Variants in PRUNE2 observed in about 807,000 individuals in gnomAD.
The protein encoded by PRUNE2 is protein prune homolog 2.
A neutral mutation model predicts 252.0 loss-of-function variants in PRUNE2; 164 were observed. That is an observed-to-expected ratio of 0.65 (90% CI 0.57 to 0.74). The LOEUF (loss-of-function observed/expected upper bound fraction) is 0.74. PRUNE2 is among the 30% of genes least tolerant of loss of function. PRUNE2 has a pLI of 0.00. For synonymous variants in PRUNE2, 1,292 were observed against 1,350.2 expected (o/e 0.96, Z 0.94); for missense variants, 3,495 against 3,711.0 (o/e 0.94, Z 1.51).
intron 12 of PRUNE2, among the ~76,000 whole-genome samples, chr9:76,641,353 T>C (rs1032647717): frequency 2.0e-5 from 3 of 152,122 alleles, no homozygotes; most frequent in Admixed American, 6.5e-5. Context: ...CACATGAAAG[T>C]TTTCCTCCAA....
chr9:76,816,956 T>G (rs1346528744), intron 6 of PRUNE2, among the ~76,000 whole-genome samples: 2 of 152,238 alleles, frequency 1.3e-5, no homozygotes. Flanking sequence ...TTGACTTATC[T>G]TGCCAAATCT....
chr9:76,814,034 T>C (rs2057528919), intron 6 of PRUNE2, among the ~76,000 whole-genome samples: 1 of 152,118 alleles, frequency 6.6e-6, no homozygotes, highest in Non-Finnish European at 1.5e-5. Flanking sequence ...GGCTGGTCTC[T>C]AACTCCCAGC....
intron 1 of PRUNE2, among the ~76,000 whole-genome samples, chr9:76,887,026 C>T (rs1049558712): frequency 6.6e-6 from 1 of 152,182 alleles, no homozygotes; most frequent in African/African-American, 2.4e-5. Context: ...CTAACTTTAT[C>T]TTCAGAATCC....
chr9:76,710,643 G>A lies in PRUNE2; in HGVS notation c.1631C>T (p.Thr544Ile), dbSNP rs369638380. 38 of 1,612,192 alleles carry A rather than the reference G, an allele frequency of 2.4e-5. No individual in the cohort carries two copies. The highest frequency in any genetic ancestry group is 1.6e-4 in the Middle Eastern group (1 of 6,080). The change falls in exon 8 of 19, where the codon ACC (threonine) becomes ATC (isoleucine). Residue 544 changes from threonine to isoleucine, a missense_variant. Coordinates refer to ENST00000376718, the MANE Select transcript of PRUNE2 (RefSeq NM_015225.3). ...ACTGGATGAATAATTAGACATGTTG[G>A]TTCCCATGCCATCAAGTCCTTCAGG... The part of the protein sequence containing the change: ...AGPEGLDGMG[T>I]NMSNYSSSSL...
chr9:76,696,788 C>T (rs547281882), intron 9 of PRUNE2, among the ~76,000 whole-genome samples: 12 of 152,332 alleles, frequency 7.9e-5, no homozygotes, highest in African/African-American at 2.9e-4. Context: ...GCGGGAGTGC[C>T]TCCCGCTGGC....
rs766274960 is a variant in PRUNE2, at chr9:76,656,484, C to T, written c.8277-982G>A. 4.6e-5 allele frequency among the ~76,000 whole-genome samples: 7 copies of T among 152,130 alleles called. No individual in the cohort carries two copies. The East Asian group carries it at 5.8e-4, about 13-fold the overall frequency. Reference sequence around the variant, plus strand: ...TCTTACTGTACTTTGCACTATGTAACGCTGGATCTACCAAACCTTTGGAGT... The same window carrying T: ...TCTTACTGTACTTTGCACTATGTAATGCTGGATCTACCAAACCTTTGGAGT... On this transcript the variant is annotated intron_variant, in intron 9 of 18. Coordinates refer to ENST00000376718, the MANE Select transcript of PRUNE2 (RefSeq NM_015225.3).
chr9:76,844,339 G>T (rs1380397062), intron 4 of PRUNE2, among the ~76,000 whole-genome samples: 1 of 152,002 alleles, frequency 6.6e-6, no homozygotes, highest in East Asian at 1.9e-4. Flanking sequence ...TGTTAAAAAA[G>T]GTCTGGGACC....
intron 1 of PRUNE2, among the ~76,000 whole-genome samples, chr9:76,858,897 T>A (rs918572843): frequency 6.6e-6 from 1 of 152,108 alleles, no homozygotes; most frequent in Non-Finnish European, 1.5e-5. Context: ...AGGCCCAGCA[T>A]GTTCAGCAAA....
intron 18 of PRUNE2, among the ~76,000 whole-genome samples, chr9:76,618,814 CT>C (rs1830801098): frequency 6.6e-6 from 1 of 152,196 alleles, no homozygotes; most frequent in Admixed American, 6.5e-5. Context: ...GCGTGTGAAG[CT>C]TTTTACAGTC....
chr9:76,677,106 G>A (rs1158368135), intron 9 of PRUNE2, among the ~76,000 whole-genome samples: 1 of 152,194 alleles, frequency 6.6e-6, no homozygotes, highest in African/African-American at 2.4e-5. Context: ...TGATTTAAAT[G>A]TATCTAATTC....
chr9:76,689,533 TTCTATAGAGACAGGGTC>T (rs1173701810), intron 9 of PRUNE2, among the ~76,000 whole-genome samples: 2 of 151,604 alleles, frequency 1.3e-5, no homozygotes, highest in African/African-American at 2.4e-5. Flanking sequence ...TTTTAAAATT[TTCTATAGAGACAGGGTC>T]TCTATAGAGA....
rs759552745 is a variant in PRUNE2 at position 76,703,525 on chromosome 9, G to A, written c.8088C>T (p.Ser2696=). 1 of 1,613,788 alleles carries A rather than the reference G, an allele frequency of 6.2e-7. No homozygotes were observed. Among genetic ancestry groups the A allele is most frequent in the South Asian group, 1.1e-5 (1 of 91,076 alleles). The change falls in exon 9 of 19, where the codon AGC becomes AGT. Residue 2696 remains serine, a synonymous_variant. Transcript: ENST00000376718. ...LALEEASGPV[S]QSQKSKSRGR... Reference sequence around the variant, plus strand: ...CTCGGCTCTTACTCTTCTGTGATTGGCTGACTGGACCAGAGGCTTCCTCTA... The same window carrying A: ...CTCGGCTCTTACTCTTCTGTGATTGACTGACTGGACCAGAGGCTTCCTCTA...
chr9:76,694,526 T>C (rs1422541316), intron 9 of PRUNE2, among the ~76,000 whole-genome samples: 2 of 152,142 alleles, frequency 1.3e-5, no homozygotes, highest in African/African-American at 2.4e-5. Flanking sequence ...AACTTAGCAG[T>C]TGGCCAGGCA....
At chr9:76,751,525 C>T (rs1161863582) in intron 6 of PRUNE2, among the ~76,000 whole-genome samples, 3 of 152,136 alleles carry the variant, frequency 2.0e-5, no homozygotes, top group Non-Finnish European at 4.4e-5. Context: ...AATGCTTGTC[C>T]TATATACCTC....
Position 76,705,443 on chromosome 9 carries a change from A to C in PRUNE2, c.6831T>G (p.Asn2277Lys), listed in dbSNP as rs1204171940. ...GCAAAGCATCAGGAACCAAGGCAGG[A>C]TTCTCTGTGGATAAATGTGGATCAC... The part of the protein sequence containing the change: ...FDGDPHLSTE[N>K]PALVPDALLA... Residue 2277 changes from asparagine to lysine, a missense_variant, in exon 8 of 19, where the codon AAT becomes AAG. Asn to Lys is a moderately conservative substitution (Grantham distance 94). Transcript: ENST00000376718. 1.9e-6 allele frequency: 3 copies of C among 1,613,858 alleles called. No homozygotes were observed. The highest frequency in any genetic ancestry group is 2.5e-6 in the Non-Finnish European group (3 of 1,179,866).
At chr9:76,794,212 G>A (rs1237449309) in intron 6 of PRUNE2, among the ~76,000 whole-genome samples, 1 of 152,202 alleles carries the variant, frequency 6.6e-6, no homozygotes, top group Non-Finnish European at 1.5e-5. Flanking sequence ...CGGTGCTTCA[G>A]AGAAAATAAA....
intron 9 of PRUNE2, among the ~76,000 whole-genome samples, chr9:76,679,583 G>A (rs951044558): frequency 1.3e-5 from 2 of 152,162 alleles, no homozygotes; most frequent in African/African-American, 2.4e-5. Flanking sequence ...TTGAGCCCAG[G>A]AGTTTGAAGC....
chr9:76,816,236 T>A (rs2057686620), intron 6 of PRUNE2, among the ~76,000 whole-genome samples: 1 of 151,928 alleles, frequency 6.6e-6, no homozygotes, highest in African/African-American at 2.4e-5. Context: ...TTTTTGGACA[T>A]CTGTAGAAGG....
intron 9 of PRUNE2, among the ~76,000 whole-genome samples, chr9:76,681,450 T>TAAAAAAAA (rs3048258): frequency 7.5e-6 from 1 of 132,842 alleles, no homozygotes; most frequent in Non-Finnish European, 1.6e-5. Context: ...TTACCACGAT[T>TAAAAAAAA]AAAAAAAAAA....
Sources: gnomAD v4.1 joint callset for allele counts (sites outside exome capture counted in the v4.1 genomes callset) on GRCh38, gnomAD v4.1.1 for gene constraint, MANE v1.5 for transcripts, NCBI Gene and HGNC (gene_info 2026-07-23, HGNC 2026-07-21) for gene names.